The following N4BP1 variants were observed in gnomAD, a reference collection of about 807,000 sequenced individuals.
The protein encoded by N4BP1 is NEDD4 binding protein 1.
A neutral mutation model predicts 70.9 loss-of-function variants in N4BP1; 21 were observed. The ratio of observed to expected loss-of-function variants is 0.30; its 90% CI spans 0.21 to 0.43. The LOEUF (loss-of-function observed/expected upper bound fraction) is 0.43. Ranked by LOEUF, N4BP1 falls within the 20% of genes least tolerant of loss-of-function variation. N4BP1 has a pLI of 1.00. For missense variants in N4BP1, 936 were observed against 1,069.4 expected (o/e 0.88, Z 1.74); for synonymous variants, 387 against 394.6 (o/e 0.98, Z 0.23).
Position 48,561,239 on chromosome 16 carries a change from T to C in N4BP1, c.1404A>G (p.Ile468Met). ...CRINTFRTVP[I>M]EQKHEVWGSN... ...AACCCCAGACTTCATGTTTCTGTTC[T>C]ATTGGCACTGTTCTGAAAGTATTAA... The change falls in exon 2 of 7, where the codon ATA (isoleucine) becomes ATG (methionine). Residue 468 changes from isoleucine to methionine, a missense_variant. Transcript: ENST00000262384. The C allele has an allele frequency of 1.2e-6, 2 of 1,614,034 alleles. No individual in the cohort carries two copies. The highest frequency in any genetic ancestry group is 2.7e-5 in the African/African-American group (2 of 75,058).
intron 2 of N4BP1, among the ~76,000 whole-genome samples, chr16:48,560,318 C>T (rs11645193): frequency 0.36 from 54,683 of 151,822 alleles, 10,057 homozygotes; most frequent in African/African-American, 0.42. Flanking sequence ...AAATACATCA[C>T]ACCTGTTACC....
rs139507158 is a variant in N4BP1, at chr16:48,595,718, G to A, written c.198+14057C>T. Among the ~76,000 whole-genome samples, 443 of 152,264 alleles carry A rather than the reference G, an allele frequency of 2.9e-3. 1 individual carries two copies. Among genetic ancestry groups the A allele is most frequent in the Admixed American group, 5.3e-3 (81 of 15,302 alleles). Reference sequence around the variant, plus strand: ...TTACCAAGGCTTTGACTGGAATGGCGTGCTTTCCTTTAAGGAATCAAACTT... The same window carrying A: ...TTACCAAGGCTTTGACTGGAATGGCATGCTTTCCTTTAAGGAATCAAACTT... On this transcript the variant is annotated intron_variant, in intron 1 of 6. Coordinates refer to ENST00000262384, the MANE Select transcript of N4BP1 (RefSeq NM_153029.4).
intron 1 of N4BP1, among the ~76,000 whole-genome samples, chr16:48,584,510 T>C (rs533140735): frequency 6.6e-6 from 1 of 152,176 alleles, no homozygotes; most frequent in Non-Finnish European, 1.5e-5. Context: ...GGTTGACAGA[T>C]AATTACAAGA....
At chr16:48,574,822 A>T (rs1009009758) in intron 1 of N4BP1, among the ~76,000 whole-genome samples, 2 of 152,164 alleles carry the variant, frequency 1.3e-5, no homozygotes, top group Non-Finnish European at 2.9e-5. Flanking sequence ...TGGGTTACAA[A>T]ATTAAGTAAG....
chr16:48,566,122 T>TTA (rs1366991327), intron 1 of N4BP1, among the ~76,000 whole-genome samples: 1 of 152,266 alleles, frequency 6.6e-6, no homozygotes, highest in African/African-American at 2.4e-5. Context: ...CTGCTCTTTA[T>TTA]TATATTTTCC....
At chr16:48,609,411 C>A (rs1018970785) in intron 1 of N4BP1, among the ~76,000 whole-genome samples, 6 of 152,186 alleles carry the variant, frequency 3.9e-5, no homozygotes, top group Admixed American at 2.0e-4. Context: ...AGCAACAGGC[C>A]TTGCGTACCA....
At chr16:48,558,838 A>C (rs2151088528) in intron 2 of N4BP1, among the ~76,000 whole-genome samples, 1 of 152,346 alleles carries the variant, frequency 6.6e-6, no homozygotes, top group East Asian at 1.9e-4. Context: ...TGCCAAAAAA[A>C]CCAAAGTGAA....
At chr16:48,589,045 A>C (rs947904761) in intron 1 of N4BP1, among the ~76,000 whole-genome samples, 2 of 152,150 alleles carry the variant, frequency 1.3e-5, no homozygotes, top group African/African-American at 2.4e-5. Flanking sequence ...GAATCTGTGA[A>C]ATTACATTAT....
chr16:48,564,527 C>A (rs947774607), intron 1 of N4BP1, among the ~76,000 whole-genome samples: 3 of 152,190 alleles, frequency 2.0e-5, no homozygotes, highest in Non-Finnish European at 4.4e-5. Context: ...CTGTGTAAAT[C>A]TATCCCTTCA....
At chr16:48,545,087 C>T (rs1464995167) in intron 6 of N4BP1, among the ~76,000 whole-genome samples, 1 of 152,022 alleles carries the variant, frequency 6.6e-6, no homozygotes, top group Middle Eastern at 3.2e-3. Context: ...GCCTCAGCCT[C>T]CCAAGCAGCT....
rs572498186 is a variant in N4BP1, at chr16:48,558,812, T to C, written c.1889+1942A>G. The stretch of plus-strand genomic sequence containing the variant: ...ATGCAGCTGCGGATCATTTGCTGGG[T>C]TTCCCCTAACAGGGCTGCCAAAAAA... On this transcript the variant is annotated intron_variant, in intron 2 of 6. Transcript: ENST00000262384. 4.6e-5 allele frequency among the ~76,000 whole-genome samples: 7 copies of C among 152,314 alleles called. No homozygotes were observed. In the East Asian group the frequency reaches 1.2e-3, roughly 25 times the overall value.
Position 48,540,795 on chromosome 16 carries a change from T to C in N4BP1, c.*2109A>G, listed in dbSNP as rs2080377544. On this transcript the variant is annotated 3_prime_UTR_variant, in exon 7 of 7. Transcript: ENST00000262384. ...TATGCAGCAGCCACACTGAGGCTAG[T>C]ACTGGAGGAGGCTGAGAACCAGTAA... 6.6e-6 allele frequency: 1 copy of C among 152,256 alleles called. No individual in the cohort carries two copies. Among genetic ancestry groups the C allele is most frequent in the Non-Finnish European group, 1.5e-5 (1 of 68,054 alleles). 9.4% of individuals were successfully genotyped at this position (152,256 alleles called of 1,614,324 possible). A position where few individuals can be genotyped will look rare whatever the true frequency, so the allele number is the denominator to read the frequency against.
chr16:48,606,286 C>T (rs11640203), intron 1 of N4BP1, among the ~76,000 whole-genome samples: 2 of 152,138 alleles, frequency 1.3e-5, no homozygotes, highest in East Asian at 1.9e-4. Context: ...CCCCCTACCC[C>T]CTCATGCCCA....
chr16:48,573,837 G>A (rs538045374), intron 1 of N4BP1, among the ~76,000 whole-genome samples: 7 of 152,222 alleles, frequency 4.6e-5, no homozygotes, highest in Admixed American at 6.5e-5. Flanking sequence ...AAGTAAGCTA[G>A]AGAAAAGAAA....
At chr16:48,586,148 C>A (rs2151097275) in intron 1 of N4BP1, among the ~76,000 whole-genome samples, 1 of 152,268 alleles carries the variant, frequency 6.6e-6, no homozygotes, top group Middle Eastern at 3.4e-3. Context: ...AAGACAGACA[C>A]AGAATTTTTC....
At chr16:48,558,869 T>C (rs888760429) in intron 2 of N4BP1, among the ~76,000 whole-genome samples, 1 of 152,232 alleles carries the variant, frequency 6.6e-6, no homozygotes, top group African/African-American at 2.4e-5. Flanking sequence ...ACAGTATTAT[T>C]TGGAAATGAA....
Position 48,551,460 on chromosome 16 carries a change from G to A in N4BP1, c.2043C>T (p.Leu681=), listed in dbSNP as rs759417557. Residue 681 remains leucine, a synonymous_variant, in exon 4 of 7, where the codon CTC becomes CTT. Coordinates refer to ENST00000262384, the MANE Select transcript of N4BP1 (RefSeq NM_153029.4). ...TTAAAGATAATATTCCGAGCTCCTG[G>A]AGCTGGGTTAAGAAGTGCTGTTCTG... The part of the protein sequence containing the change: ...NVTEQHFLTQ[L]QELGILSLTP... 4.0e-5 allele frequency: 65 copies of A among 1,613,290 alleles called. No homozygotes were observed. Among genetic ancestry groups the A allele is most frequent in the Admixed American group, 1.5e-4 (9 of 59,996 alleles).
At chr16:48,600,367 T>G in intron 1 of N4BP1, 1 of 757,570 alleles carries the variant, frequency 1.3e-6, no homozygotes, top group Admixed American at 1.8e-5. Context: ...GATAATTCAT[T>G]TGAATATGAA....
chr16:48,601,852 G>A (rs1964506568), intron 1 of N4BP1, among the ~76,000 whole-genome samples: 1 of 152,086 alleles, frequency 6.6e-6, no homozygotes. Context: ...CTAGGACTAC[G>A]GGGCACATGC....
Sources: gnomAD v4.1 joint callset for allele counts (sites outside exome capture counted in the v4.1 genomes callset) on GRCh38, gnomAD v4.1.1 for gene constraint, MANE v1.5 for transcripts, NCBI Gene and HGNC (gene_info 2026-07-23, HGNC 2026-07-21) for gene names.